ICAM3: variants seen among roughly 807,000 people sequenced by gnomAD.
The protein encoded by ICAM3 is intercellular adhesion molecule 3.
Under a neutral mutation model 43.6 loss-of-function variants are expected in ICAM3, and 54 were observed. That is an observed-to-expected ratio of 1.24 (90% confidence interval 0.99 to 1.55). The LOEUF is 1.55. Ranked by LOEUF, ICAM3 falls within the 40% of genes most tolerant of loss-of-function variation. The probability of loss-of-function intolerance (pLI) is 0.00; values close to 1 mark genes in which losing one functional copy is unlikely to be tolerated. For missense variants in ICAM3, 715 were observed against 717.9 expected, an observed-to-expected ratio of 1.00 and a Z score of 0.05; for synonymous variants, 306 against 312.6, an observed-to-expected ratio of 0.98 and a Z score of 0.22.
intron 2 of ICAM3, among the ~76,000 whole-genome samples, chr19:10,336,827 A>T (rs2040602995): frequency 7.4e-6 from 1 of 135,192 alleles, no homozygotes; most frequent in Admixed American, 7.4e-5. Flanking sequence ...AAAAAAAAAA[A>T]GGCTGGGCAA....
In ICAM3 at chr19:10,338,765, T is replaced by C. The variant is rs1195748984; in HGVS notation, c.260A>G (p.Asn87Ser). 1 of 1,614,206 alleles carries C rather than the reference T, an allele frequency of 6.2e-7. No homozygotes were observed. Among genetic ancestry groups the C allele is most frequent in the East Asian group, 2.2e-5 (1 of 44,890 alleles). ...GMGWAAFNLS[N>S]VTGNSRILCS... ...GAGGATCCGACTGTTGCCAGTCACG[T>C]TGCTGAGATTGAAGGCTGCCCAGCC... Residue 87 changes from asparagine (N) to serine (S), a missense_variant, in exon 2 of 7, where the codon AAC becomes AGC. Transcript: ENST00000160262.
At position 10,333,804 on chromosome 19, in the gene ICAM3, G is replaced by T; in HGVS notation, c.*53C>A. 6.4e-7 allele frequency: 1 copy of T among 1,569,844 alleles called. No homozygotes were observed. The highest frequency in any genetic ancestry group is 8.8e-7 in the Non-Finnish European group (1 of 1,141,636). On this transcript the variant is annotated 3_prime_UTR_variant, in exon 7 of 7. Transcript: ENST00000160262. This position sits in a 1 kb window ranked among gnomAD's most constrained non-coding sequence, Gnocchi z 4.2. ...GGGAGTTTGAAGGCTTTATTGGTGC[G>T]GAATCTGAGGGCACAGCCAAGCCCC...
chr19:10,335,778 C>G lies in ICAM3; in HGVS notation c.542G>C (p.Arg181Thr). ...TGAGAAAGGGGCTCCGTGGTCGTCT[C>G]TGCTGGCCAGCACAGTGGCAGTGAC... ...AEVTATVLAS[R>T]DDHGAPFSCR... The change falls in exon 3 of 7, where the codon AGA (arginine) becomes ACA (threonine). Residue 181 changes from arginine (R) to threonine (T), a missense_variant. By Grantham distance (71) the Arg-to-Thr change is moderately conservative. Transcript: ENST00000160262. 1 of 1,612,742 alleles carries G rather than the reference C, an allele frequency of 6.2e-7. No homozygotes were observed. The highest frequency in any genetic ancestry group is 8.5e-7 in the Non-Finnish European group (1 of 1,179,842).
rs781445992 is a variant in ICAM3 at position 10,335,884 on chromosome 19, G to A, written c.436C>T (p.Pro146Ser). The change falls in exon 3 of 7, where the codon CCC becomes TCC. Residue 146 changes from proline to serine, a missense_variant. Coordinates refer to ENST00000160262, the MANE Select transcript of ICAM3 (RefSeq NM_002162.5). ...TLRCQVEDGS[P>S]RTSLTVVLLR... Reference sequence around the variant, plus strand: ...AGCACCACCGTGAGGCTGGTCCGGGGCGACCCATCCTCCACTTGGCAGCGC... The same window carrying A: ...AGCACCACCGTGAGGCTGGTCCGGGACGACCCATCCTCCACTTGGCAGCGC... 2 of 1,605,200 alleles carry A rather than the reference G, an allele frequency of 1.2e-6. No homozygotes were observed. The highest frequency in any genetic ancestry group is 1.7e-6 in the Non-Finnish European group (2 of 1,178,378).
Position 10,335,334 on chromosome 19 carries a change from C to CG in ICAM3, c.668dup (p.Arg224AlafsTer90), listed in dbSNP as rs759151580. The CG allele has an allele frequency of 5.4e-5, 87 of 1,609,038 alleles. No homozygotes were observed. The highest frequency in any genetic ancestry group is 3.0e-4 in the South Asian group (27 of 90,986). ...CCAAGAACCGGGGGGCCACGAGGCGCGGGGGGGTCACGGGCAGGACTGGGG... is the reference window on the plus strand; with the variant it reads ...CCAAGAACCGGGGGGCCACGAGGCGCGGGGGGGGTCACGGGCAGGACTGGGG... On this transcript the variant is annotated frameshift_variant, in exon 4 of 7. Transcript: ENST00000160262. LOFTEE classifies it high-confidence loss of function.
At position 10,335,657 on chromosome 19, in the gene ICAM3, GC is replaced by G. The variant is rs1189473333; in HGVS notation, c.649+13del. On this transcript the variant is annotated intron_variant, in intron 3 of 6. Coordinates refer to ENST00000160262, the MANE Select transcript of ICAM3 (RefSeq NM_002162.5). ...CTCAGCTCGTCACCCACCGTCTGAA[GC>G]CCCTTCTCTCACCAAAGGTTCGGAG... 1.3e-6 allele frequency: 2 copies of G among 1,588,934 alleles called. No individual in the cohort carries two copies. The highest frequency in any genetic ancestry group is 2.3e-5 in the East Asian group (1 of 43,886).
At chr19:10,335,479 C>A in intron 3 of ICAM3, 126 bp from the exon 4 acceptor site, 1 of 1,126,624 alleles carries the variant, frequency 8.9e-7, no homozygotes. Context: ...CACACAGGGC[C>A]ATGAAAACGG....
chr19:10,339,146 A>G, intron 1 of ICAM3, 198 bp from the exon 2 acceptor site: 1 of 631,686 alleles, frequency 1.6e-6, no homozygotes, highest in South Asian at 2.0e-5. Context: ...GATCCAGCAT[A>G]GGAGGAGGTG....
chr19:10,334,740 T>C lies in ICAM3; in HGVS notation c.980A>G (p.His327Arg), dbSNP rs140468498. 3 of 1,609,660 alleles carry C rather than the reference T, an allele frequency of 1.9e-6. No homozygotes were observed. In the African/African-American group the frequency reaches 4.0e-5, roughly 22 times the overall value. The change falls in exon 5 of 7, where the codon CAT becomes CGT. Residue 327 changes from histidine to arginine, a missense_variant. Transcript: ENST00000160262. This position sits in a 1 kb window ranked among gnomAD's most constrained non-coding sequence, Gnocchi z 5.5. ...ACTCACGGTCACTGTGGACCCCTCA[T>C]GGGCGGTGGGCTCGCTGAGGTTCAC... The part of the protein sequence containing the change: ...PIVNLSEPTA[H>R]EGSTVTVSCM...
At chr19:10,335,631 G>T (rs1475580740) in intron 3 of ICAM3, 40 bp downstream of exon 3, 5 of 1,544,846 alleles carry the variant, frequency 3.2e-6, no homozygotes, top group Non-Finnish European at 4.4e-6. Context: ...GTCTACCCTG[G>T]CTCAGCTCGT....
At chr19:10,336,802 G>A (rs2040602204) in intron 2 of ICAM3, among the ~76,000 whole-genome samples, 1 of 72,526 alleles carries the variant, frequency 1.4e-5, no homozygotes, top group Non-Finnish European at 2.5e-5. Flanking sequence ...GAGACTCTAT[G>A]TCAAAAAAAA....
chr19:10,335,700 G>C lies in ICAM3; in HGVS notation c.620C>G (p.Thr207Ser). ...QPQGLGLFVNTSAPRQLRTFV... is the reference protein window; with the variant it reads ...QPQGLGLFVNSSAPRQLRTFV... ...GGTTCGGAGCTGGCGGGGGGCTGAG[G>C]TGTTCACGAACAGTCCCAGCCCCTG... is the stretch of plus-strand genomic sequence containing the variant. Residue 207 changes from threonine (T) to serine (S), a missense_variant, in exon 3 of 7, where the codon ACC (threonine) becomes AGC (serine). Coordinates refer to ENST00000160262, the MANE Select transcript of ICAM3 (RefSeq NM_002162.5). 1.2e-6 allele frequency: 2 copies of C among 1,607,888 alleles called. No individual in the cohort carries two copies. The highest frequency in any genetic ancestry group is 1.7e-6 in the Non-Finnish European group (2 of 1,177,684).
chr19:10,336,917 C>T (rs2040604188), intron 2 of ICAM3, among the ~76,000 whole-genome samples: 1 of 151,370 alleles, frequency 6.6e-6, no homozygotes, highest in Admixed American at 6.6e-5. Context: ...TGAGACCAAC[C>T]TGGCCCATAT....
Position 10,335,867 on chromosome 19 carries a change from C to T in ICAM3, c.453G>A (p.Thr151=), listed in dbSNP as rs756840011. The stretch of plus-strand genomic sequence containing the variant: ...CCTCCTCCCAGCGAAGCAGCACCAC[C>T]GTGAGGCTGGTCCGGGGCGACCCAT... The part of the protein sequence containing the change: ...VEDGSPRTSL[T]VVLLRWEEEL... The change falls in exon 3 of 7, where the codon ACG becomes ACA. Residue 151 remains threonine, a synonymous_variant. Transcript: ENST00000160262. 6.2e-7 allele frequency: 1 copy of T among 1,609,470 alleles called. No homozygotes were observed. Among genetic ancestry groups the T allele is most frequent in the East Asian group, 2.2e-5 (1 of 44,808 alleles).
In ICAM3 at chr19:10,335,241, G is replaced by A. The variant is rs1191247955; in HGVS notation, c.762C>T (p.Val254=). 6.2e-7 allele frequency: 1 copy of A among 1,613,820 alleles called. No individual in the cohort carries two copies. The highest frequency in any genetic ancestry group is 1.7e-5 in the Admixed American group (1 of 60,008). Residue 254 remains valine (V), a synonymous_variant, in exon 4 of 7, where the codon GTC becomes GTT. Transcript: ENST00000160262. ...DGLFPASEAQ[V]YLALGDQMLN... ...GCATCTGGTCCCCCAGCGCCAGGTA[G>A]ACCTGGGCCTCTGAGGCTGGAAAAA...
chr19:10,337,251 T>C (rs1291071273), intron 2 of ICAM3, among the ~76,000 whole-genome samples: 2 of 151,262 alleles, frequency 1.3e-5, no homozygotes. Flanking sequence ...ATCCTGTCCC[T>C]ACTAAAAATA....
rs752601479 is a variant in ICAM3 at position 10,334,658 on chromosome 19, C to T, written c.1062G>A (p.Pro354=). The change falls in exon 5 of 7, where the codon CCG becomes CCA. Residue 354 remains proline (P), a synonymous_variant. Coordinates refer to ENST00000160262, the MANE Select transcript of ICAM3 (RefSeq NM_002162.5). This position sits in a 1 kb window ranked among gnomAD's most constrained non-coding sequence, Gnocchi z 5.5. The stretch of plus-strand genomic sequence containing the variant: ...TTAGCTGAAGTTGAGCTGGCTGCCC[C>T]GGGGCCGCGGCCGGAACTCCGTCCA... The part of the protein sequence containing the change: ...VTLDGVPAAA[P]GQPAQLQLNA... 3 of 1,613,342 alleles carry T rather than the reference C, an allele frequency of 1.9e-6. No individual in the cohort carries two copies. Among genetic ancestry groups the T allele is most frequent in the East Asian group, 2.2e-5 (1 of 44,880 alleles).
Position 10,335,131 on chromosome 19 carries a change from T to TC in ICAM3, c.871dup (p.Glu291GlyfsTer23). The TC allele has an allele frequency of 6.2e-7, 1 of 1,613,698 alleles. No homozygotes were observed. The highest frequency in any genetic ancestry group is 8.5e-7 in the Non-Finnish European group (1 of 1,179,982). Reference sequence around the variant, plus strand: ...CCCTAGGGTCACGTTGCAGACGATCTCCCGGGCACCCTCCTGATCCGCGCG... The same window carrying TC: ...CCCTAGGGTCACGTTGCAGACGATCTCCCCGGGCACCCTCCTGATCCGCGCG... On this transcript the variant is annotated frameshift_variant, in exon 4 of 7. Coordinates refer to ENST00000160262, the MANE Select transcript of ICAM3 (RefSeq NM_002162.5). LOFTEE classifies it high-confidence loss of function.
At chr19:10,337,686 C>T (rs933902209) in intron 2 of ICAM3, among the ~76,000 whole-genome samples, 1 of 152,086 alleles carries the variant, frequency 6.6e-6, no homozygotes, top group Non-Finnish European at 1.5e-5. Context: ...TGCAGTGGTG[C>T]AATTATAGCT....
Sources: allele counts gnomAD v4.1 joint callset (sites outside exome capture counted in the v4.1 genomes callset), GRCh38; gene constraint gnomAD v4.1.1; non-coding constraint Gnocchi (gnomAD v3.1); transcripts MANE v1.5; gene names NCBI Gene and HGNC (gene_info 2026-07-23, HGNC 2026-07-21).